Variants in CHCHD6 observed in about 807,000 individuals in gnomAD.
CHCHD6 encodes coiled-coil-helix-coiled-coil-helix domain containing 6, also known as MICOS complex subunit MIC25.
CHCHD6 carries 28 observed loss-of-function variants against 32.3 expected under a neutral mutation model. That is an observed-to-expected ratio of 0.87 (90% CI 0.64 to 1.19). The LOEUF is 1.19. CHCHD6 is among the 50% of genes most tolerant of loss of function. The pLI is 0.00. For synonymous variants in CHCHD6, 122 were observed against 117.5 expected (o/e 1.04, Z -0.25); for missense variants, 333 against 307.0 (o/e 1.08, Z -0.63).
intron 5 of CHCHD6, among the ~76,000 whole-genome samples, chr3:126,861,439 G>C (rs1465091330): frequency 1.3e-5 from 2 of 151,860 alleles, no homozygotes; most frequent in Non-Finnish European, 2.9e-5. Context: ...ATGGCTCACA[G>C]TGTTTATCCA....
intron 4 of CHCHD6, among the ~76,000 whole-genome samples, chr3:126,835,893 C>A (rs772537385): frequency 6.6e-6 from 1 of 152,204 alleles, no homozygotes; most frequent in African/African-American, 2.4e-5. Flanking sequence ...GCTAGAAAAT[C>A]GCATATTATT....
At chr3:126,726,754 G>A (rs1182225705) in intron 1 of CHCHD6, among the ~76,000 whole-genome samples, 3 of 152,186 alleles carry the variant, frequency 2.0e-5, no homozygotes, top group African/African-American at 7.2e-5. Flanking sequence ...TCAGAGGGAA[G>A]AGCATGCCTG....
intron 4 of CHCHD6, among the ~76,000 whole-genome samples, chr3:126,769,588 C>G (rs1175547375): frequency 1.3e-5 from 2 of 152,194 alleles, no homozygotes; most frequent in Non-Finnish European, 2.9e-5. Context: ...ACTGCAACCT[C>G]TGCCTCCCAG....
rs139963171 is a variant in CHCHD6 at position 126,865,784 on chromosome 3, A to G, written c.495+13054A>G. The stretch of plus-strand genomic sequence containing the variant: ...TTTCTTTACCTCAGTCTCATCTACT[A>G]CTTTGCAGAAATCCTCTCATATATC... On this transcript the variant is annotated intron_variant, in intron 5 of 7. Coordinates refer to ENST00000290913, the MANE Select transcript of CHCHD6 (RefSeq NM_032343.3). 45 of 959,722 alleles carry G rather than the reference A, an allele frequency of 4.7e-5. No individual in the cohort carries two copies. The African/African-American group carries it at 6.7e-4, about 14-fold the overall frequency. The allele number at this position is 959,722 out of a possible 1,614,324, so 59.5% of individuals were successfully genotyped here.
At chr3:126,704,516 G>A (rs1254657380) in intron 1 of CHCHD6, 117 bp downstream of exon 1, 2 of 596,066 alleles carry the variant, frequency 3.4e-6, no homozygotes, top group South Asian at 3.2e-5. Flanking sequence ...GGGCTTGGGA[G>A]ACTCCGGGGG....
At chr3:126,839,455 G>T (rs1186428305) in intron 4 of CHCHD6, among the ~76,000 whole-genome samples, 2 of 152,226 alleles carry the variant, frequency 1.3e-5, no homozygotes, top group Non-Finnish European at 2.9e-5. Flanking sequence ...CTGTGGGAAT[G>T]TATGTAGCTG....
At chr3:126,767,669 T>G (rs9827187) in intron 4 of CHCHD6, among the ~76,000 whole-genome samples, 5,547 of 152,280 alleles carry the variant, frequency 0.036, 344 homozygotes, top group African/African-American at 0.13. Flanking sequence ...CACAGGGGTT[T>G]GGTGTACTAA....
chr3:126,708,499 G>C (rs181095058), intron 1 of CHCHD6, among the ~76,000 whole-genome samples: 68 of 152,178 alleles, frequency 4.5e-4, no homozygotes, highest in Admixed American at 2.0e-3. Flanking sequence ...GTTCTGTCTG[G>C]TGACACTGAT....
Position 126,960,265 on chromosome 3 carries a change from G to A in CHCHD6, c.*64G>A. On this transcript the variant is annotated 3_prime_UTR_variant, in exon 8 of 8. Coordinates refer to ENST00000290913, the MANE Select transcript of CHCHD6 (RefSeq NM_032343.3). The stretch of plus-strand genomic sequence containing the variant: ...GCCCTGAAGAAGGGACCAATCATGG[G>A]ACCACAGCCACTGTGCCCTGCCGTT... 6.5e-7 allele frequency: 1 copy of A among 1,543,918 alleles called. No individual in the cohort carries two copies. The highest frequency in any genetic ancestry group is 8.8e-7 in the Non-Finnish European group (1 of 1,141,214).
At chr3:126,853,736 G>A (rs1485680891) in intron 5 of CHCHD6, among the ~76,000 whole-genome samples, 1 of 152,196 alleles carries the variant, frequency 6.6e-6, no homozygotes, top group South Asian at 2.1e-4. Flanking sequence ...CATAGTCTGA[G>A]GAATGGCAGT....
chr3:126,916,495 G>T (rs1400896374), intron 6 of CHCHD6, among the ~76,000 whole-genome samples: 1 of 152,128 alleles, frequency 6.6e-6, no homozygotes, highest in Non-Finnish European at 1.5e-5. Flanking sequence ...CCAAAAGGCA[G>T]ATAGAGACAA....
rs139910470 is a variant in CHCHD6 at position 126,800,032 on chromosome 3, C to G, written c.412-52615C>G. Among the ~76,000 whole-genome samples the G allele has an allele frequency of 5.1e-4, 77 of 152,204 alleles. No individual in the cohort carries two copies. In the East Asian group the frequency reaches 0.014, roughly 29 times the overall value. On this transcript the variant is annotated intron_variant, in intron 4 of 7. Coordinates refer to ENST00000290913, the MANE Select transcript of CHCHD6 (RefSeq NM_032343.3). Reference sequence around the variant, plus strand: ...ATTATCTATTATTATATACTTATTTCCTGTTTTTAATATTAAAATCAACAC... The same window carrying G: ...ATTATCTATTATTATATACTTATTTGCTGTTTTTAATATTAAAATCAACAC...
chr3:126,882,152 C>CAGTAACT (rs1234104575), intron 5 of CHCHD6, among the ~76,000 whole-genome samples: 15 of 152,188 alleles, frequency 9.9e-5, no homozygotes, highest in African/African-American at 3.4e-4. Context: ...CCGTCAGGGG[C>CAGTAACT]GTCTGCCAGA....
At chr3:126,922,472 G>A (rs1163543973) in intron 6 of CHCHD6, among the ~76,000 whole-genome samples, 3 of 152,194 alleles carry the variant, frequency 2.0e-5, no homozygotes, top group Non-Finnish European at 4.4e-5. Flanking sequence ...GAACCCAGGT[G>A]TGGATGAGTC....
At chr3:126,943,129 G>A (rs542966637) in intron 6 of CHCHD6, among the ~76,000 whole-genome samples, 1 of 152,256 alleles carries the variant, frequency 6.6e-6, no homozygotes, top group African/African-American at 2.4e-5. Flanking sequence ...CGCCTTTTCA[G>A]CTGCCACGTC....
rs9849191 is a variant in CHCHD6, at chr3:126,826,685, A to G, written c.412-25962A>G. On this transcript the variant is annotated intron_variant, in intron 4 of 7. Transcript: ENST00000290913. ...GTCACTTATGTAGGATCTTATATAT[A>G]TATATCTAATAATAAAAGTGGAGAC... is the stretch of plus-strand genomic sequence containing the variant. Among the ~76,000 whole-genome samples the G allele has an allele frequency of 3.9e-3, 598 of 152,264 alleles. 3 individuals are homozygous for G. The highest frequency in any genetic ancestry group is 0.014 in the African/African-American group (577 of 41,548).
intron 4 of CHCHD6, chr3:126,767,090 C>A (rs954271248): frequency 7.9e-7 from 1 of 1,262,612 alleles, no homozygotes; most frequent in Non-Finnish European, 1.2e-6. Flanking sequence ...CCGCCGTGCC[C>A]GGGCGATGAA....
At chr3:126,943,655 T>G (rs1576632950) in intron 6 of CHCHD6, among the ~76,000 whole-genome samples, 2 of 152,224 alleles carry the variant, frequency 1.3e-5, no homozygotes, top group Admixed American at 1.3e-4. Flanking sequence ...CCTCCTCTGG[T>G]GTCCGTGATG....
At chr3:126,727,371 A>T (rs1935584905) in intron 2 of CHCHD6, among the ~76,000 whole-genome samples, 185 bp downstream of exon 2, 1 of 152,174 alleles carries the variant, frequency 6.6e-6, no homozygotes, top group Non-Finnish European at 1.5e-5. Flanking sequence ...CTGTCATCAG[A>T]GCTGCCGGGA....
Sources: allele counts gnomAD v4.1 joint callset (sites outside exome capture counted in the v4.1 genomes callset), GRCh38; gene constraint gnomAD v4.1.1; transcripts MANE v1.5; gene names NCBI Gene and HGNC (gene_info 2026-07-23, HGNC 2026-07-21).